The following CSMD2 variants were observed in gnomAD, a reference collection of about 807,000 sequenced individuals.
CSMD2 encodes CUB and Sushi multiple domains 2.
CSMD2 carries 130 observed loss-of-function variants against 398.5 expected under a neutral mutation model. That is an observed-to-expected ratio of 0.33 (90% CI 0.28 to 0.38). The LOEUF is 0.38. CSMD2 is among the 10% of genes least tolerant of loss of function. The pLI, the probability that CSMD2 is intolerant of heterozygous loss-of-function variation, is 1.00. For synonymous variants in CSMD2, 1,828 were observed against 1,908.5 expected, an observed-to-expected ratio of 0.96 and a Z score of 1.10; for missense variants, 3,829 against 4,764.9, an observed-to-expected ratio of 0.80 and a Z score of 5.78.
intron 1 of CSMD2, among the ~76,000 whole-genome samples, chr1:34,151,710 C>CAG (rs1640337134): frequency 6.6e-6 from 1 of 152,060 alleles, no homozygotes. Context: ...ACAGACAGCA[C>CAG]CTGGAAAGGA....
chr1:33,549,248 A>T (rs1657194301), intron 56 of CSMD2, among the ~76,000 whole-genome samples: 1 of 152,130 alleles, frequency 6.6e-6, no homozygotes, highest in Admixed American at 6.5e-5. Flanking sequence ...GGAGGTCATG[A>T]TCCTTTCCTC....
chr1:34,056,140 G>A (rs912280576), intron 2 of CSMD2, among the ~76,000 whole-genome samples: 1 of 152,134 alleles, frequency 6.6e-6, no homozygotes, highest in African/African-American at 2.4e-5. Context: ...TCCCCTGCCT[G>A]GACTATTCTT....
rs1183150227 is a variant in CSMD2 at position 34,089,149 on chromosome 1, C to G, written c.232G>C (p.Glu78Gln). Residue 78 changes from glutamate (E) to glutamine (Q), a missense_variant, in exon 2 of 71, where the codon GAG becomes CAG. Glu to Gln is a conservative substitution (Grantham distance 29). Transcript: ENST00000373381. ...FQLHGPNGTV[E>Q]SPGFPYGYPN... ...TAGCCATATGGGAACCCTGGGCTCT[C>G]AACTGTCCCATTGGGACCGTGCAGT... 2 of 1,614,166 alleles carry G rather than the reference C, an allele frequency of 1.2e-6. No homozygotes were observed. The highest frequency in any genetic ancestry group is 2.7e-5 in the African/African-American group (2 of 75,036).
rs556773070 is a variant in CSMD2, at chr1:33,621,731, T to C, written c.5827+436A>G. On this transcript the variant is annotated intron_variant, in intron 37 of 70. Coordinates refer to ENST00000373381, the MANE Select transcript of CSMD2 (RefSeq NM_001281956.2). ...CACTTAGGGATGCCAGAAGCCAGGA[T>C]ATAAGGGTTTGAGCCTGCAGTGAGA... is the stretch of plus-strand genomic sequence containing the variant. Among the ~76,000 whole-genome samples, 18 of 152,184 alleles carry C rather than the reference T, an allele frequency of 1.2e-4. No homozygotes were observed. In the South Asian group the frequency reaches 3.5e-3, roughly 30 times the overall value.
chr1:33,819,603 G>T, intron 9 of CSMD2, 110 bp downstream of exon 9: 1 of 919,140 alleles, frequency 1.1e-6, no homozygotes. Context: ...TGAGGGGGGA[G>T]GGGAGCCAGT....
intron 2 of CSMD2, among the ~76,000 whole-genome samples, chr1:34,054,707 T>C (rs1184799124): frequency 6.6e-6 from 1 of 152,098 alleles, no homozygotes; most frequent in East Asian, 1.9e-4. Context: ...GCCACTGCAC[T>C]CTAGGCTGGG....
intron 2 of CSMD2, among the ~76,000 whole-genome samples, chr1:34,070,038 T>C (rs1172421652): frequency 5.3e-5 from 8 of 152,186 alleles, no homozygotes; most frequent in Non-Finnish European, 1.2e-4. Flanking sequence ...CAAAGAAAAT[T>C]GCAGGTTTGA....
intron 3 of CSMD2, among the ~76,000 whole-genome samples, chr1:33,943,516 G>A (rs1351289246): frequency 6.6e-6 from 1 of 152,110 alleles, no homozygotes; most frequent in Non-Finnish European, 1.5e-5. Flanking sequence ...GAATCTCCTG[G>A]CCCATGAAAT....
chr1:33,652,921 AT>A (rs898059850), intron 27 of CSMD2, among the ~76,000 whole-genome samples: 9 of 150,990 alleles, frequency 6.0e-5, no homozygotes, highest in South Asian at 2.1e-4. Context: ...TGCCCACCTA[AT>A]TTTTTTTTGT....
At position 34,115,506 on chromosome 1, in the gene CSMD2, C is replaced by T. The variant is rs187702193; in HGVS notation, c.188-26313G>A. 8.7e-4 allele frequency among the ~76,000 whole-genome samples: 133 copies of T among 152,120 alleles called. 3 individuals are homozygous for T. The East Asian group carries it at 0.018, about 21-fold the overall frequency. ...AGAATCCTTTATCTAGCAAGATTGT[C>T]CTTCAAAATGAAGGAGAAATAAAGA... On this transcript the variant is annotated intron_variant, in intron 1 of 70. Coordinates refer to ENST00000373381, the MANE Select transcript of CSMD2 (RefSeq NM_001281956.2).
intron 2 of CSMD2, among the ~76,000 whole-genome samples, chr1:34,038,909 C>A (rs1383838577): frequency 6.6e-6 from 1 of 152,230 alleles, no homozygotes; most frequent in African/African-American, 2.4e-5. Context: ...TTCCTTCGTA[C>A]ACCTGTGGTT....
intron 21 of CSMD2, among the ~76,000 whole-genome samples, chr1:33,711,507 A>G (rs1645988560): frequency 6.6e-6 from 1 of 152,218 alleles, no homozygotes; most frequent in Non-Finnish European, 1.5e-5. Flanking sequence ...AGCACATAGT[A>G]GCCTCTCCAC....
intron 2 of CSMD2, among the ~76,000 whole-genome samples, chr1:34,078,123 C>T (rs996236138): frequency 1.3e-5 from 2 of 151,936 alleles, no homozygotes; most frequent in South Asian, 4.2e-4. Flanking sequence ...CAGGTGGATG[C>T]CACTGTGCCC....
intron 53 of CSMD2, among the ~76,000 whole-genome samples, chr1:33,566,316 A>C (rs1050614855): frequency 5.3e-5 from 8 of 151,852 alleles, no homozygotes; most frequent in African/African-American, 1.4e-4. Flanking sequence ...CAAAAAAAAA[A>C]AACAACCAAA....
intron 3 of CSMD2, among the ~76,000 whole-genome samples, chr1:33,974,608 G>A (rs1005759202): frequency 6.6e-6 from 1 of 152,216 alleles, no homozygotes; most frequent in Non-Finnish European, 1.5e-5. Flanking sequence ...GCTAGTCAGT[G>A]GCAGAGGTGC....
intron 10 of CSMD2, among the ~76,000 whole-genome samples, chr1:33,809,463 T>C (rs578052679): frequency 1.3e-5 from 2 of 152,176 alleles, no homozygotes; most frequent in South Asian, 4.1e-4. Flanking sequence ...ATAACCATTC[T>C]TGATAAAAGC....
chr1:34,110,099 A>T (rs1396687590), intron 1 of CSMD2, among the ~76,000 whole-genome samples: 3 of 151,702 alleles, frequency 2.0e-5, no homozygotes, highest in Non-Finnish European at 4.4e-5. Context: ...AAAAAAGCTC[A>T]ATATCATTGA....
chr1:34,091,993 T>C (rs919208795), intron 1 of CSMD2, among the ~76,000 whole-genome samples: 3 of 152,186 alleles, frequency 2.0e-5, no homozygotes, highest in Non-Finnish European at 4.4e-5. Context: ...GAATTCATTA[T>C]AAAGCTATTA....
intron 5 of CSMD2, among the ~76,000 whole-genome samples, chr1:33,882,659 A>G (rs6694382): frequency 0.16 from 24,399 of 152,142 alleles, 2,939 homozygotes; most frequent in African/African-American, 0.34. Context: ...ATCCATAAAG[A>G]AAAATGGAGG....
Sources: allele counts gnomAD v4.1 joint callset (sites outside exome capture counted in the v4.1 genomes callset), GRCh38; gene constraint gnomAD v4.1.1; transcripts MANE v1.5; gene names NCBI Gene and HGNC (gene_info 2026-07-23, HGNC 2026-07-21).